Variants in ADGRV1 observed in about 807,000 individuals in gnomAD.
ADGRV1 encodes G-protein coupled receptor 98.
ADGRV1 carries 359 observed loss-of-function variants against 596.2 expected under a neutral mutation model. The observed-to-expected ratio is 0.60, with a 90% confidence interval of 0.55 to 0.66. The LOEUF (loss-of-function observed/expected upper bound fraction) is 0.66. ADGRV1 is among the 30% of genes least tolerant of loss of function. The pLI is 0.00. For synonymous variants in ADGRV1, 2,681 were observed against 2,679.2 expected, an observed-to-expected ratio of 1.00 and a Z score of -0.02; for missense variants, 7,274 against 7,575.6, an observed-to-expected ratio of 0.96 and a Z score of 1.48.
At chr5:90,883,681 C>T (rs1258799394) in intron 83 of ADGRV1, among the ~76,000 whole-genome samples, 3 of 152,146 alleles carry the variant, frequency 2.0e-5, no homozygotes, top group East Asian at 1.9e-4. Flanking sequence ...CACCTTCTCA[C>T]ACCCCCATTT....
In ADGRV1 at chr5:90,757,156, A is replaced by G; in HGVS notation, c.11935A>G (p.Lys3979Glu). 6.2e-7 allele frequency: 1 copy of G among 1,613,658 alleles called. No individual in the cohort carries two copies. Among genetic ancestry groups the G allele is most frequent in the South Asian group, 1.1e-5 (1 of 91,052 alleles). ...TCATGGGATTCTTGAATTTGCAGAT[A>G]AACAGGTATGCCAGTCATTAACATA... ...PSHGILEFADKQVTAMIEITI... is the reference protein window; with the variant it reads ...PSHGILEFADEQVTAMIEITI... The change falls in exon 57 of 90, where the codon AAA (lysine) becomes GAA (glutamate). Residue 3979 changes from lysine to glutamate, a missense_variant. Coordinates refer to ENST00000405460, the MANE Select transcript of ADGRV1 (RefSeq NM_032119.4).
At chr5:91,070,967 T>A (rs1283954091) in intron 85 of ADGRV1, among the ~76,000 whole-genome samples, 2 of 152,128 alleles carry the variant, frequency 1.3e-5, no homozygotes, top group African/African-American at 2.4e-5. Context: ...CAATACCATC[T>A]CTCTTGTGGT....
chr5:91,123,905 T>C (rs1188062522), intron 87 of ADGRV1, among the ~76,000 whole-genome samples: 2 of 152,016 alleles, frequency 1.3e-5, no homozygotes, highest in Non-Finnish European at 2.9e-5. Flanking sequence ...GTAGAGACAA[T>C]AGATAGATAA....
At chr5:90,719,320 CATAAATAAATAA>C (rs3045849) in intron 43 of ADGRV1, among the ~76,000 whole-genome samples, 123 of 149,470 alleles carry the variant, frequency 8.2e-4, no homozygotes, top group Non-Finnish European at 1.2e-3. Flanking sequence ...GACTCTGTCT[CATAAATAAATAA>C]ATAAATAAAT....
chr5:90,605,963 T>C (rs1762067154), intron 1 of ADGRV1, among the ~76,000 whole-genome samples: 1 of 152,200 alleles, frequency 6.6e-6, no homozygotes, highest in Non-Finnish European at 1.5e-5. Context: ...ACTTGCACTT[T>C]TATAGGACAA....
At chr5:90,812,882 A>C (rs566827032) in intron 74 of ADGRV1, among the ~76,000 whole-genome samples, 142 of 152,162 alleles carry the variant, frequency 9.3e-4, no homozygotes, top group Non-Finnish European at 1.7e-3. Flanking sequence ...CTGTAATCCC[A>C]GCACTTTGGG....
intron 58 of ADGRV1, among the ~76,000 whole-genome samples, chr5:90,761,744 C>T (rs1756534643): frequency 6.6e-6 from 1 of 152,138 alleles, no homozygotes. Flanking sequence ...TACCCAATTC[C>T]TACTGTATTG....
chr5:90,960,065 G>A (rs1022294168), intron 83 of ADGRV1, among the ~76,000 whole-genome samples: 19 of 151,912 alleles, frequency 1.3e-4, no homozygotes, highest in Admixed American at 1.2e-3. Context: ...CGTGAACCCA[G>A]GAGGTGGAGC....
At chr5:90,643,187 T>G (rs1432149623) in intron 13 of ADGRV1, 146 bp downstream of exon 13, 3 of 656,062 alleles carry the variant, frequency 4.6e-6, no homozygotes, top group Non-Finnish European at 4.9e-6. Flanking sequence ...TTGGAAAATT[T>G]TTAACAAAAG....
rs754300385 is a variant in ADGRV1, at chr5:91,150,156, G to C, written c.18559G>C (p.Gly6187Arg). The C allele has an allele frequency of 6.3e-7, 1 of 1,594,916 alleles. No individual in the cohort carries two copies. Among genetic ancestry groups the C allele is most frequent in the Admixed American group, 1.8e-5 (1 of 56,800 alleles). The change falls in exon 88 of 90, where the codon GGA becomes CGA. Residue 6187 changes from glycine to arginine, a missense_variant. Coordinates refer to ENST00000405460, the MANE Select transcript of ADGRV1 (RefSeq NM_032119.4). ...CACAGCCTTTTTCACGCCCGGGAGT[G>C]GAATGCCTCCTGCTGGAGGGGAAAT... ...PSTAFFTPGSGMPPAGGEISK... is the reference protein window; with the variant it reads ...PSTAFFTPGSRMPPAGGEISK...
chr5:90,910,293 G>C (rs1772743466), intron 83 of ADGRV1, among the ~76,000 whole-genome samples: 1 of 152,158 alleles, frequency 6.6e-6, no homozygotes, highest in South Asian at 2.1e-4. Context: ...ATTTTAATCA[G>C]ATATAACCGA....
At chr5:91,014,176 C>CACACACACACGCACACACACA (rs56292568) in intron 85 of ADGRV1, among the ~76,000 whole-genome samples, 1 of 124,076 alleles carries the variant, frequency 8.1e-6, no homozygotes, top group Non-Finnish European at 1.7e-5. Flanking sequence ...ACACACACAC[C>CACACACACACGCACACACACA]CCTAGACATA....
intron 83 of ADGRV1, among the ~76,000 whole-genome samples, chr5:90,947,815 C>T (rs1341037997): frequency 6.6e-6 from 1 of 152,232 alleles, no homozygotes; most frequent in East Asian, 1.9e-4. Context: ...CTCCCTATAT[C>T]ATCAATCATT....
intron 34 of ADGRV1, among the ~76,000 whole-genome samples, chr5:90,697,956 G>T (rs1433096049): frequency 6.6e-6 from 1 of 151,556 alleles, no homozygotes; most frequent in Non-Finnish European, 1.5e-5. Flanking sequence ...TTGAGACATA[G>T]AGAGATTAAA....
intron 27 of ADGRV1, 52 bp from the exon 28 acceptor site, chr5:90,683,534 T>G: frequency 1.4e-6 from 2 of 1,390,940 alleles, no homozygotes; most frequent in South Asian, 3.0e-5. Flanking sequence ...AGCCTCTAAG[T>G]AACTGGCTTT....
At chr5:90,964,852 G>GT (rs1778321202) in intron 83 of ADGRV1, among the ~76,000 whole-genome samples, 1 of 152,092 alleles carries the variant, frequency 6.6e-6, no homozygotes, top group African/African-American at 2.4e-5. Context: ...AGGAAATTTA[G>GT]TGTGGTCAAG....
At chr5:90,693,405 T>C (rs558387273) in intron 32 of ADGRV1, among the ~76,000 whole-genome samples, 14 of 152,308 alleles carry the variant, frequency 9.2e-5, no homozygotes, top group Admixed American at 7.2e-4. Flanking sequence ...AAATGCTATA[T>C]AAATAGTTGC....
At chr5:90,927,633 TTTAAAG>T (rs1162577359) in intron 83 of ADGRV1, among the ~76,000 whole-genome samples, 2 of 152,288 alleles carry the variant, frequency 1.3e-5, no homozygotes, top group African/African-American at 4.8e-5. Context: ...TCCATTTACA[TTTAAAG>T]TTAATGTTGT....
In ADGRV1 at chr5:91,112,707, T is replaced by C. The variant is rs557970414; in HGVS notation, c.18432+10367T>C. Among the ~76,000 whole-genome samples, 8 of 152,268 alleles carry C rather than the reference T, an allele frequency of 5.3e-5. No homozygotes were observed. The East Asian group carries it at 1.2e-3, about 22-fold the overall frequency. On this transcript the variant is annotated intron_variant, in intron 87 of 89. Coordinates refer to ENST00000405460, the MANE Select transcript of ADGRV1 (RefSeq NM_032119.4). ...ACATTTTTTAAAAAAAAACTTTATATGAATATTTTACACCAACATTTTGTA... is the reference window on the plus strand; with the variant it reads ...ACATTTTTTAAAAAAAAACTTTATACGAATATTTTACACCAACATTTTGTA...
Sources: allele counts gnomAD v4.1 joint callset (sites outside exome capture counted in the v4.1 genomes callset), GRCh38; gene constraint gnomAD v4.1.1; transcripts MANE v1.5; gene names NCBI Gene and HGNC (gene_info 2026-07-23, HGNC 2026-07-21).